The following CTNND2 variants were observed in gnomAD, a reference collection of about 807,000 sequenced individuals.
CTNND2 encodes catenin delta-2.
A neutral mutation model predicts 144.4 loss-of-function variants in CTNND2; 22 were observed. The observed-to-expected ratio is 0.15, with a 90% confidence interval of 0.11 to 0.22. CTNND2 has a LOEUF of 0.22. Ranked by LOEUF, CTNND2 falls within the 10% of genes least tolerant of loss-of-function variation. CTNND2 has a pLI of 1.00. For synonymous variants in CTNND2, 751 were observed against 695.6 expected, an observed-to-expected ratio of 1.08 and a Z score of -1.25; for missense variants, 1,353 against 1,618.8, an observed-to-expected ratio of 0.84 and a Z score of 2.82.
intron 3 of CTNND2, among the ~76,000 whole-genome samples, chr5:11,431,345 C>T (rs1763268139): frequency 6.6e-6 from 1 of 152,186 alleles, no homozygotes; most frequent in Non-Finnish European, 1.5e-5. Flanking sequence ...GTCAGCAATA[C>T]ATATGATGGA....
chr5:11,749,093 A>C (rs933016089), intron 1 of CTNND2, among the ~76,000 whole-genome samples: 3 of 152,016 alleles, frequency 2.0e-5, no homozygotes, highest in Non-Finnish European at 4.4e-5. Context: ...TGATACCTAC[A>C]ACCAATGGGC....
intron 2 of CTNND2, among the ~76,000 whole-genome samples, chr5:11,660,640 C>A (rs957808702): frequency 6.6e-6 from 1 of 151,960 alleles, no homozygotes; most frequent in African/African-American, 2.4e-5. Context: ...GGAGGAAAAA[C>A]AAGTTGAGAA....
At chr5:11,484,059 C>G (rs555922975) in intron 3 of CTNND2, among the ~76,000 whole-genome samples, 1 of 152,338 alleles carries the variant, frequency 6.6e-6, no homozygotes, top group African/African-American at 2.4e-5. Context: ...CCCAGCCAGG[C>G]TGTCCAGTTG....
At chr5:11,728,119 G>T (rs569799672) in intron 2 of CTNND2, among the ~76,000 whole-genome samples, 2 of 152,216 alleles carry the variant, frequency 1.3e-5, no homozygotes, top group African/African-American at 4.8e-5. Flanking sequence ...CTTCCTTGTG[G>T]CTTCATATGA....
chr5:11,362,371 A>C (rs1016045045), intron 8 of CTNND2, among the ~76,000 whole-genome samples: 5 of 152,218 alleles, frequency 3.3e-5, no homozygotes, highest in African/African-American at 1.2e-4. Context: ...TTTCTCATAC[A>C]TGCAGGTTGT....
At chr5:11,586,988 T>C (rs1174144781) in intron 2 of CTNND2, among the ~76,000 whole-genome samples, 1 of 152,116 alleles carries the variant, frequency 6.6e-6, no homozygotes, top group Non-Finnish European at 1.5e-5. Context: ...GTCGGAAATA[T>C]AAGGGAATGG....
intron 16 of CTNND2, among the ~76,000 whole-genome samples, chr5:11,064,300 C>A (rs903044444): frequency 6.6e-6 from 1 of 152,106 alleles, no homozygotes; most frequent in Admixed American, 6.5e-5. Context: ...GAATCTCACA[C>A]GCCTTGGAAT....
intron 2 of CTNND2, among the ~76,000 whole-genome samples, chr5:11,603,921 T>C (rs1581594935): frequency 6.6e-6 from 1 of 152,338 alleles, no homozygotes; most frequent in African/African-American, 2.4e-5. Context: ...TTTATCTCTT[T>C]TAAACAAATC....
intron 18 of CTNND2, among the ~76,000 whole-genome samples, chr5:11,007,351 T>G (rs1436074593): frequency 6.8e-6 from 1 of 146,820 alleles, no homozygotes; most frequent in Non-Finnish European, 1.5e-5. Context: ...CAATCTGTCA[T>G]CTGGTTAAAT....
chr5:11,812,520 T>C (rs962114222), intron 1 of CTNND2, among the ~76,000 whole-genome samples: 1 of 152,128 alleles, frequency 6.6e-6, no homozygotes, highest in Non-Finnish European at 1.5e-5. Flanking sequence ...TTAATGGCCA[T>C]GAGTTTGCAT....
intron 16 of CTNND2, among the ~76,000 whole-genome samples, chr5:11,059,733 C>T (rs1580168276): frequency 6.6e-6 from 1 of 152,052 alleles, no homozygotes; most frequent in South Asian, 2.1e-4. Context: ...TATAAAAACT[C>T]CTGTGGCATA....
At chr5:11,268,581 G>T (rs1580754197) in intron 9 of CTNND2, among the ~76,000 whole-genome samples, 1 of 152,032 alleles carries the variant, frequency 6.6e-6, no homozygotes, top group African/African-American at 2.4e-5. Flanking sequence ...GGTAGCCTGG[G>T]TGATGGAGTA....
chr5:10,987,025 A>G (rs542789678), intron 20 of CTNND2, among the ~76,000 whole-genome samples: 2 of 152,232 alleles, frequency 1.3e-5, no homozygotes, highest in South Asian at 4.2e-4. Flanking sequence ...CCCCAGCTTT[A>G]TGAATGCTCT....
chr5:11,215,368 G>A (rs1739067501), intron 10 of CTNND2, among the ~76,000 whole-genome samples: 1 of 152,156 alleles, frequency 6.6e-6, no homozygotes, highest in Admixed American at 6.5e-5. Context: ...TTTCCCACAA[G>A]TACACGACAG....
In CTNND2 at chr5:11,281,889, AG is replaced by A. The variant is rs1346816922; in HGVS notation, c.1629-45067del. ...TCATATTCTGAGGTACTGGGGGTTA[AG>A]GCTTTAACATATGAATTTTAGCATA... is the stretch of plus-strand genomic sequence containing the variant. On this transcript the variant is annotated intron_variant, in intron 9 of 21. Transcript: ENST00000304623. Among the ~76,000 whole-genome samples the A allele has an allele frequency of 2.0e-5, 3 of 152,194 alleles. No homozygotes were observed. The East Asian group carries it at 5.8e-4, about 29-fold the overall frequency.
chr5:11,690,086 C>A (rs1483617850), intron 2 of CTNND2, among the ~76,000 whole-genome samples: 2 of 152,192 alleles, frequency 1.3e-5, no homozygotes, highest in African/African-American at 4.8e-5. Context: ...AGTTTGGAGA[C>A]TTTCAAATTG....
At chr5:11,811,590 G>C (rs145623173) in intron 1 of CTNND2, among the ~76,000 whole-genome samples, 1 of 152,168 alleles carries the variant, frequency 6.6e-6, no homozygotes, top group African/African-American at 2.4e-5. Flanking sequence ...GTTTAGACAG[G>C]GTCCAATGGA....
At chr5:11,263,384 C>T (rs1745111016) in intron 9 of CTNND2, among the ~76,000 whole-genome samples, 1 of 151,728 alleles carries the variant, frequency 6.6e-6, no homozygotes, top group South Asian at 2.1e-4. Context: ...ATATTTAAAG[C>T]CAGTAAAAAT....
chr5:11,534,375 G>A (rs903947396), intron 3 of CTNND2, among the ~76,000 whole-genome samples: 2 of 151,998 alleles, frequency 1.3e-5, no homozygotes, highest in Admixed American at 1.3e-4. Flanking sequence ...CAGCACTTTG[G>A]GAGGCCAAGG....
Sources: gnomAD v4.1 joint callset for allele counts (sites outside exome capture counted in the v4.1 genomes callset) on GRCh38, gnomAD v4.1.1 for gene constraint, MANE v1.5 for transcripts, NCBI Gene and HGNC (gene_info 2026-07-23, HGNC 2026-07-21) for gene names.